USP37: variants seen among roughly 807,000 people sequenced by gnomAD.
USP37 encodes ubiquitin specific peptidase 37, also known as ubiquitin carboxyl-terminal hydrolase 37.
Under a neutral mutation model 124.0 loss-of-function variants are expected in USP37, and 27 were observed. The ratio of observed to expected loss-of-function variants is 0.22; its 90% confidence interval spans 0.16 to 0.30. USP37 has a LOEUF of 0.30. Ranked by LOEUF, USP37 falls within the 10% of genes least tolerant of loss-of-function variation. USP37 has a pLI of 1.00. For missense variants in USP37, 889 were observed against 1,140.4 expected (o/e 0.78, Z 3.17); for synonymous variants, 365 against 388.0 (o/e 0.94, Z 0.70).
intron 10 of USP37, among the ~76,000 whole-genome samples, chr2:218,517,539 G>A (rs1690365925): frequency 6.6e-6 from 1 of 152,126 alleles, no homozygotes; most frequent in Admixed American, 6.5e-5. Flanking sequence ...TTTTATTTCT[G>A]CATATTGAAG....
At chr2:218,556,404 G>A (rs1692975411) in intron 4 of USP37, among the ~76,000 whole-genome samples, 1 of 149,652 alleles carries the variant, frequency 6.7e-6, no homozygotes, top group Non-Finnish European at 1.5e-5. Flanking sequence ...TTTATTCTTT[G>A]AATCTTCAGA....
At position 218,558,560 on chromosome 2, in the gene USP37, T is replaced by C. The variant is rs1270634134; in HGVS notation, c.94A>G (p.Lys32Glu). 2 of 1,613,690 alleles carry C rather than the reference T, an allele frequency of 1.2e-6. No individual in the cohort carries two copies. The highest frequency in any genetic ancestry group is 2.7e-5 in the African/African-American group (2 of 75,042). Residue 32 changes from lysine to glutamate, a missense_variant, in exon 4 of 26, where the codon AAA (lysine) becomes GAA (glutamate). Transcript: ENST00000258399. ...WKEGSFEIVE[K>E]ENKVSLVVHY... ...ACTACTAGGCTGACTTTATTCTCTTTTTCTACAATTTCAAAGGATCCTTCT... is the reference window on the plus strand; with the variant it reads ...ACTACTAGGCTGACTTTATTCTCTTCTTCTACAATTTCAAAGGATCCTTCT...
chr2:218,455,117 C>T, intron 25 of USP37, 100 bp from the exon 26 acceptor site: 4 of 1,349,260 alleles, frequency 3.0e-6, no homozygotes, highest in Non-Finnish European at 4.1e-6. Context: ...TGGATAAGGC[C>T]TTCACAATTC....
At chr2:218,538,276 C>T (rs1441099076) in intron 8 of USP37, among the ~76,000 whole-genome samples, 1 of 152,254 alleles carries the variant, frequency 6.6e-6, no homozygotes, top group East Asian at 1.9e-4. Flanking sequence ...TGCATCTCAT[C>T]ATCTACTTTG....
At chr2:218,502,002 A>G (rs1346534407) in intron 11 of USP37, among the ~76,000 whole-genome samples, 1 of 152,236 alleles carries the variant, frequency 6.6e-6, no homozygotes, top group Non-Finnish European at 1.5e-5. Context: ...ATGAATTCAC[A>G]GAGTGTTAAC....
chr2:218,472,803 A>G (rs1403366945), intron 20 of USP37, among the ~76,000 whole-genome samples: 1 of 152,198 alleles, frequency 6.6e-6, no homozygotes. Flanking sequence ...ATTTTCCTAC[A>G]TAACAATTAT....
At chr2:218,514,003 G>A (rs1367518034) in intron 10 of USP37, among the ~76,000 whole-genome samples, 1 of 151,960 alleles carries the variant, frequency 6.6e-6, no homozygotes, top group African/African-American at 2.4e-5. Flanking sequence ...ATTTTTGGTA[G>A]AGATGAGGTT....
chr2:218,457,154 T>A lies in USP37; in HGVS notation c.2651A>T (p.Asn884Ile). The change falls in exon 24 of 26, where the codon AAT (asparagine) becomes ATT (isoleucine). Residue 884 changes from asparagine to isoleucine, a missense_variant. This residue lies in a region of USP37 where 504 missense variants were observed against 714.3 expected (regional missense o/e 0.71). Transcript: ENST00000258399. ...GATGAGCCGGTACGAATGAGGCAGA[T>A]TTCCTGTCTGGAAAACAGAAGTGGG... ...EELKRNAETGNLPHSYRLISV... is the reference protein window; with the variant it reads ...EELKRNAETGILPHSYRLISV... 5 of 1,613,752 alleles carry A rather than the reference T, an allele frequency of 3.1e-6. No homozygotes were observed. The highest frequency in any genetic ancestry group is 4.2e-6 in the Non-Finnish European group (5 of 1,179,904).
intron 20 of USP37, among the ~76,000 whole-genome samples, chr2:218,472,067 G>C (rs1690724904): frequency 6.6e-6 from 1 of 151,480 alleles, no homozygotes; most frequent in African/African-American, 2.4e-5. Flanking sequence ...GATTAGCTGG[G>C]ATGGCTAGAT....
intron 14 of USP37, among the ~76,000 whole-genome samples, chr2:218,493,997 AG>A (rs1203974217): frequency 2.0e-4 from 31 of 152,356 alleles, no homozygotes; most frequent in African/African-American, 7.5e-4. Flanking sequence ...GTGCATTAGA[AG>A]GAAGAGATAA....
intron 14 of USP37, among the ~76,000 whole-genome samples, chr2:218,495,274 T>G (rs766264487): frequency 9.9e-5 from 15 of 152,148 alleles, no homozygotes; most frequent in Admixed American, 8.5e-4. Flanking sequence ...TCCAAGTAGC[T>G]GGGATTATAG....
At chr2:218,463,219 C>T in intron 22 of USP37, 87 bp downstream of exon 22, 6 of 705,400 alleles carry the variant, frequency 8.5e-6, no homozygotes, top group South Asian at 7.7e-5. Flanking sequence ...CACACACACA[C>T]ACACACACAC....
In USP37 at chr2:218,482,138, G is replaced by A. The variant is rs766502348; in HGVS notation, c.1767C>T (p.Thr589=). The A allele has an allele frequency of 1.2e-6, 2 of 1,613,756 alleles. No individual in the cohort carries two copies. The highest frequency in any genetic ancestry group is 8.5e-7 in the Non-Finnish European group (1 of 1,179,760). The change falls in exon 17 of 26, where the codon ACC becomes ACT. Residue 589 remains threonine (T), a synonymous_variant. Transcript: ENST00000258399. ...TATTTTCAGTGCAATGAGATGACAG[G>A]GTCAGGTATCTTGGAATGATGACTT... is the stretch of plus-strand genomic sequence containing the variant. The part of the protein sequence containing the change: ...GQQVIIPRYL[T]LSSHCTENTK...
At chr2:218,532,466 C>CAAAA (rs35277725) in intron 9 of USP37, among the ~76,000 whole-genome samples, 2 of 115,390 alleles carry the variant, frequency 1.7e-5, no homozygotes, top group Non-Finnish European at 3.5e-5. Context: ...GACTCTGTCT[C>CAAAA]AAAAAAAAAA....
intron 10 of USP37, among the ~76,000 whole-genome samples, chr2:218,514,656 G>A (rs1053155763): frequency 6.6e-6 from 1 of 152,132 alleles, no homozygotes; most frequent in African/African-American, 2.4e-5. Flanking sequence ...AAGAAATATA[G>A]GGAGATACTT....
rs774544927 is a variant in USP37 at position 218,549,836 on chromosome 2, G to C, written c.402C>G (p.Ser134Arg). Residue 134 changes from serine (S) to arginine (R), a missense_variant, in exon 6 of 26, where the codon AGC (serine) becomes AGG (arginine). Physicochemically the swap from Ser to Arg is moderately radical, Grantham distance 110. Transcript: ENST00000258399. ...LGSRTSQKET[S>R]RQLSYSDNQA... is the part of the protein sequence containing the mutation. ...GATTGTCTGAGTAAGAAAGCTGCCT[G>C]CTGGTTTCCTTCTGTGAGGTCCTGC... is the stretch of plus-strand genomic sequence containing the variant. 1 of 1,612,884 alleles carries C rather than the reference G, an allele frequency of 6.2e-7. No homozygotes were observed. The highest frequency in any genetic ancestry group is 2.2e-5 in the East Asian group (1 of 44,728).
chr2:218,486,488 TCTC>T lies in USP37; in HGVS notation c.1591-748_1591-746del, dbSNP rs1691566300. 3.9e-5 allele frequency: 6 copies of T among 152,460 alleles called. 1 individual carries two copies. In the South Asian group the frequency reaches 1.2e-3, roughly 32 times the overall value. The allele number at this position is 152,460 out of a possible 1,614,324, so 9.4% of individuals were successfully genotyped here. A position where few individuals can be genotyped will look rare whatever the true frequency, so the allele number is the denominator to read the frequency against. ...AACTGGGTGGGAGGGAGGGGCGTGA[TCTC>T]AGCTCACTGCAACCTCCACCTCCAG... On this transcript the variant is annotated intron_variant, in intron 15 of 25. Coordinates refer to ENST00000258399, the MANE Select transcript of USP37 (RefSeq NM_020935.3).
intron 14 of USP37, among the ~76,000 whole-genome samples, chr2:218,489,243 A>T (rs1213297329): frequency 6.6e-6 from 1 of 150,930 alleles, no homozygotes. Context: ...CTGTAATCCC[A>T]GCTACTTGGG....
chr2:218,510,223 T>C (rs1689899517), intron 10 of USP37, 83 bp from the exon 11 acceptor site: 6 of 1,430,746 alleles, frequency 4.2e-6, no homozygotes, highest in South Asian at 4.1e-5. Flanking sequence ...GAGAAGTCAA[T>C]GTTTAAGGAA....
Sources: allele counts gnomAD v4.1 joint callset (sites outside exome capture counted in the v4.1 genomes callset), GRCh38; gene constraint gnomAD v4.1.1; regional missense constraint gnomAD v4.1.1; transcripts MANE v1.5; gene names NCBI Gene and HGNC (gene_info 2026-07-23, HGNC 2026-07-21).